The following EPM2A variants were observed in gnomAD, a reference collection of about 807,000 sequenced individuals.
The protein encoded by EPM2A is laforin.
Under a neutral mutation model 26.5 loss-of-function variants are expected in EPM2A, and 21 were observed. The ratio of observed to expected loss-of-function variants is 0.79; its 90% confidence interval spans 0.56 to 1.14. EPM2A has a LOEUF of 1.14. Ranked by LOEUF, EPM2A falls within the 50% of genes most tolerant of loss-of-function variation. The pLI is 0.00. For missense variants in EPM2A, 458 were observed against 440.8 expected (o/e 1.04, Z -0.35); for synonymous variants, 217 against 177.6 (o/e 1.22, Z -1.76).
intron 2 of EPM2A, among the ~76,000 whole-genome samples, chr6:145,541,695 T>A (rs577702554): frequency 1.3e-5 from 2 of 152,220 alleles, no homozygotes; most frequent in African/African-American, 4.8e-5. Flanking sequence ...GAATGAAGAA[T>A]ATACTTGCAA....
At chr6:145,567,219 C>A (rs919758705) in intron 2 of EPM2A, among the ~76,000 whole-genome samples, 3 of 152,124 alleles carry the variant, frequency 2.0e-5, no homozygotes, top group Admixed American at 6.6e-5. Flanking sequence ...TTTGACTAAC[C>A]TATTGTATTT....
At chr6:145,492,870 A>G (rs747662839) in intron 4 of EPM2A, among the ~76,000 whole-genome samples, 2 of 152,152 alleles carry the variant, frequency 1.3e-5, no homozygotes, top group Admixed American at 1.3e-4. Context: ...AGGGCAGGCC[A>G]TGGGTGGTTT....
At chr6:145,661,690 A>G (rs1778720878) in intron 2 of EPM2A, among the ~76,000 whole-genome samples, 1 of 152,216 alleles carries the variant, frequency 6.6e-6, no homozygotes, top group Non-Finnish European at 1.5e-5. Flanking sequence ...GAATGTTCAA[A>G]TCTATTTTCC....
intron 4 of EPM2A, among the ~76,000 whole-genome samples, chr6:145,479,190 T>C (rs558344598): frequency 6.7e-6 from 1 of 150,170 alleles, no homozygotes; most frequent in African/African-American, 2.4e-5. Flanking sequence ...CTTTCTGTAT[T>C]ATTATCCATT....
chr6:145,518,244 C>T (rs935572817), intron 2 of EPM2A, among the ~76,000 whole-genome samples: 1 of 152,148 alleles, frequency 6.6e-6, no homozygotes, highest in African/African-American at 2.4e-5. Context: ...ATAAAGATTG[C>T]TGTTTTATGT....
intron 1 of EPM2A, among the ~76,000 whole-genome samples, chr6:145,715,617 G>A (rs1466792248): frequency 1.3e-5 from 2 of 152,190 alleles, no homozygotes; most frequent in African/African-American, 4.8e-5. Context: ...AGCTTCATCT[G>A]TATTTACAGC....
At chr6:145,581,546 C>A (rs1781113615) in intron 2 of EPM2A, among the ~76,000 whole-genome samples, 1 of 151,984 alleles carries the variant, frequency 6.6e-6, no homozygotes, top group African/African-American at 2.4e-5. Flanking sequence ...TTGTTTTTGG[C>A]ATCTTTGTCA....
At chr6:145,684,827 C>T (rs1437805609) in intron 2 of EPM2A, 1 of 152,076 alleles carries the variant, frequency 6.6e-6, no homozygotes, top group African/African-American at 2.4e-5. Flanking sequence ...GGCCATAAAA[C>T]CACGAGACAT....
intron 1 of EPM2A, among the ~76,000 whole-genome samples, chr6:145,717,481 G>A (rs1775697667): frequency 6.6e-6 from 1 of 152,062 alleles, no homozygotes; most frequent in African/African-American, 2.4e-5. Flanking sequence ...AATAATAAGA[G>A]CTATCTATGA....
rs191801098 is a variant in EPM2A, at chr6:145,626,540, A to G, written c.*876T>C. The G allele has an allele frequency of 8.1e-6, 8 of 985,912 alleles. No homozygotes were observed. In the East Asian group the frequency reaches 9.1e-4, roughly 112 times the overall value. 61.1% of individuals were successfully genotyped at this position (985,912 alleles called of 1,614,324 possible). On this transcript the variant is annotated 3_prime_UTR_variant, in exon 4 of 4. Transcript: ENST00000367519. ...TCTCGCTATAGAAACTCCTGCAGGCATATTGACTATACCCTGAGAAAGACA... is the reference window on the plus strand; with the variant it reads ...TCTCGCTATAGAAACTCCTGCAGGCGTATTGACTATACCCTGAGAAAGACA...
Position 145,673,841 on chromosome 6 carries a change from C to A in EPM2A, c.476+12281G>T, listed in dbSNP as rs138739871. 2.5e-3 allele frequency among the ~76,000 whole-genome samples: 375 copies of A among 152,286 alleles called. 4 individuals carry two copies. The highest frequency in any genetic ancestry group is 8.5e-3 in the African/African-American group (352 of 41,558). On this transcript the variant is annotated intron_variant, in intron 2 of 3. Coordinates refer to ENST00000367519, the MANE Select transcript of EPM2A (RefSeq NM_005670.4). ...CCTACTGCCTCTATAGACTCCACCTCTGTGGGCAGGACATAGCTGAAAAAA... is the reference window on the plus strand; with the variant it reads ...CCTACTGCCTCTATAGACTCCACCTATGTGGGCAGGACATAGCTGAAAAAA...
Position 145,491,896 on chromosome 6 carries a change from G to A in EPM2A, c.555+10626C>T, listed in dbSNP as rs76575347. The A allele has an allele frequency of 9.5e-4, 467 of 490,540 alleles. 6 individuals carry two copies. Among genetic ancestry groups the A allele is most frequent in the African/African-American group, 9.2e-3 (452 of 48,904 alleles). 30.4% of individuals were successfully genotyped at this position (490,540 alleles called of 1,614,324 possible). ...TTCTATCTCCACCAAAGGTTCCTGG[G>A]TAAATTGAAAGAATTTATAGAAGAA... On this transcript the variant is annotated intron_variant, in intron 4 of 4. Coordinates refer to the EPM2A transcript ENST00000638717.
At chr6:145,662,107 G>T (rs186516060) in intron 2 of EPM2A, among the ~76,000 whole-genome samples, 18 of 152,282 alleles carry the variant, frequency 1.2e-4, no homozygotes, top group Admixed American at 2.6e-4. Context: ...CAGAATAGCT[G>T]AATGAAAACT....
chr6:145,470,530 A>C (rs1179111201), intron 4 of EPM2A, among the ~76,000 whole-genome samples: 1 of 152,062 alleles, frequency 6.6e-6, no homozygotes, highest in East Asian at 1.9e-4. Flanking sequence ...TTATTTTTAT[A>C]TTTGCCATTT....
At chr6:145,735,552 C>A (rs1394833749), upstream of EPM2A, 1 of 1,132,230 alleles carries the variant, frequency 8.8e-7, no homozygotes, top group East Asian at 4.5e-5. Flanking sequence ...GGCCGGCAGG[C>A]GCGGCCCGAG....
chr6:145,436,321 T>C (rs1442759857), intron 4 of EPM2A, among the ~76,000 whole-genome samples: 1 of 152,248 alleles, frequency 6.6e-6, no homozygotes, highest in African/African-American at 2.4e-5. Flanking sequence ...CAAGATTTTG[T>C]GTGAACGTAT....
chr6:145,390,266 G>T (rs1778319655), intron 4 of EPM2A, among the ~76,000 whole-genome samples: 1 of 151,736 alleles, frequency 6.6e-6, no homozygotes, highest in African/African-American at 2.4e-5. Context: ...ACACAATGGA[G>T]ACTAATCTGC....
intron 1 of EPM2A, among the ~76,000 whole-genome samples, chr6:145,688,236 A>G (rs931731141): frequency 1.3e-5 from 2 of 152,210 alleles, no homozygotes; most frequent in Non-Finnish European, 2.9e-5. Flanking sequence ...GAACAATCAG[A>G]TAGAAGCAGA....
intron 4 of EPM2A, among the ~76,000 whole-genome samples, chr6:145,467,524 A>G (rs1169253421): frequency 6.6e-6 from 1 of 152,122 alleles, no homozygotes; most frequent in African/African-American, 2.4e-5. Context: ...GTATTTTTTA[A>G]TGAAATTGAG....
Sources: allele counts gnomAD v4.1 joint callset (sites outside exome capture counted in the v4.1 genomes callset), GRCh38; gene constraint gnomAD v4.1.1; transcripts MANE v1.5; gene names NCBI Gene and HGNC (gene_info 2026-07-23, HGNC 2026-07-21).